The following CACNA1I variants were observed in gnomAD, a reference collection of about 807,000 sequenced individuals.
The protein encoded by CACNA1I is calcium voltage-gated channel subunit alpha1 I.
Under a neutral mutation model 201.6 loss-of-function variants are expected in CACNA1I, and 74 were observed. The observed-to-expected ratio is 0.37, with a 90% CI of 0.30 to 0.45. The LOEUF is 0.45. CACNA1I is among the 20% of genes least tolerant of loss of function. The pLI, the probability that CACNA1I is intolerant of heterozygous loss-of-function variation, is 1.00. For synonymous variants in CACNA1I, 1,431 were observed against 1,345.2 expected (o/e 1.06, Z -1.40); for missense variants, 2,346 against 3,138.1 (o/e 0.75, Z 6.03).
At chr22:39,601,874 CT>C (rs1933049399) in intron 3 of CACNA1I, among the ~76,000 whole-genome samples, 1 of 31,372 alleles carries the variant, frequency 3.2e-5, no homozygotes, top group Non-Finnish European at 6.6e-5. Flanking sequence ...TCCTTCCTTC[CT>C]TCTCTCTCTT....
In CACNA1I at chr22:39,684,439, C is replaced by T; in HGVS notation, c.5968C>T (p.Leu1990=). The change falls in exon 36 of 37, where the codon CTG becomes TTG. Residue 1990 remains leucine, a synonymous_variant. Transcript: ENST00000402142. The surrounding 1 kb of genome is among the most constrained non-coding windows in gnomAD (Gnocchi z 4.6). ...TGTGTLPKIA[L]QGSWASLRSP... is the part of the protein sequence containing the mutation. ...CACTGGAACCCTCCCCAAGATTGCG[C>T]TGCAGGGCTCCTGGGCATCTCTGCG... 1 of 1,613,586 alleles carries T rather than the reference C, an allele frequency of 6.2e-7. No individual in the cohort carries two copies. Among genetic ancestry groups the T allele is most frequent in the Non-Finnish European group, 8.5e-7 (1 of 1,179,896 alleles).
chr22:39,619,260 C>A, intron 3 of CACNA1I, 50 bp from the exon 4 acceptor site: 1 of 1,439,314 alleles, frequency 6.9e-7, no homozygotes, highest in Non-Finnish European at 9.7e-7. Flanking sequence ...CGGGCCCTGG[C>A]CCCAGCTGGC....
At chr22:39,584,931 C>A (rs959680766) in intron 1 of CACNA1I, among the ~76,000 whole-genome samples, 1 of 152,172 alleles carries the variant, frequency 6.6e-6, no homozygotes, top group Non-Finnish European at 1.5e-5. Context: ...AGCGTCCAGC[C>A]CAGCACTGGA....
intron 1 of CACNA1I, among the ~76,000 whole-genome samples, chr22:39,589,902 G>T (rs1259646508): frequency 1.3e-5 from 2 of 152,206 alleles, no homozygotes; most frequent in Admixed American, 1.3e-4. Context: ...CTGGGAAGTG[G>T]ATCAGATTTT....
chr22:39,579,811 TAA>T (rs988130274), intron 1 of CACNA1I, among the ~76,000 whole-genome samples: 2 of 152,162 alleles, frequency 1.3e-5, no homozygotes, highest in Non-Finnish European at 2.9e-5. Flanking sequence ...CATGCCTGGC[TAA>T]GTTTTTTGTA....
At chr22:39,577,258 A>G (rs1019209988) in intron 1 of CACNA1I, among the ~76,000 whole-genome samples, 2 of 151,812 alleles carry the variant, frequency 1.3e-5, no homozygotes, top group Non-Finnish European at 2.9e-5. Flanking sequence ...CTGGTCTTGA[A>G]CTCCTGACTT....
chr22:39,620,046 TCCATCCACCCACCCAC>T (rs1933686097), intron 4 of CACNA1I, among the ~76,000 whole-genome samples: 1 of 139,462 alleles, frequency 7.2e-6, no homozygotes, highest in African/African-American at 2.8e-5. Context: ...CATCCATCCA[TCCATCCACCCACCCAC>T]CCATCCACCC....
chr22:39,680,897 T>C (rs1475151432), intron 33 of CACNA1I, 33 bp from the exon 34 acceptor site: 2 of 1,595,340 alleles, frequency 1.3e-6, no homozygotes, highest in East Asian at 4.5e-5. Flanking sequence ...ATCCCAAACC[T>C]GGGTGACCCG....
At chr22:39,650,516 G>C (rs779443776) in intron 10 of CACNA1I, among the ~76,000 whole-genome samples, 11 of 152,276 alleles carry the variant, frequency 7.2e-5, no homozygotes, top group African/African-American at 2.6e-4. Flanking sequence ...GGCCAGTCTT[G>C]TTGGGCTCTT....
At chr22:39,600,902 A>T (rs1933013055) in intron 3 of CACNA1I, among the ~76,000 whole-genome samples, 1 of 152,168 alleles carries the variant, frequency 6.6e-6, no homozygotes, top group African/African-American at 2.4e-5. Context: ...ACCTTGAGAG[A>T]GCCACTGACG....
intron 10 of CACNA1I, among the ~76,000 whole-genome samples, chr22:39,651,473 GCT>G (rs1026973841): frequency 2.0e-4 from 30 of 152,242 alleles, no homozygotes; most frequent in African/African-American, 7.2e-4. Context: ...TAGCGAGAGG[GCT>G]CTCTGCAGGG....
At chr22:39,571,608 TC>T (rs59816458) in intron 1 of CACNA1I, among the ~76,000 whole-genome samples, 7,267 of 152,150 alleles carry the variant, frequency 0.048, 566 homozygotes, top group African/African-American at 0.16. Context: ...CCACTTGGCT[TC>T]CCCCCTGTGC....
At chr22:39,632,013 G>A in intron 4 of CACNA1I, among the ~76,000 whole-genome samples, 1 of 152,152 alleles carries the variant, frequency 6.6e-6, no homozygotes, top group Non-Finnish European at 1.5e-5. Context: ...GGCAGAGTGA[G>A]GCGGGTCGGG....
Position 39,685,784 on chromosome 22 carries a change from G to C in CACNA1I, c.6051G>C (p.Leu2017=). The change falls in exon 37 of 37, where the codon CTG becomes CTC. Residue 2017 remains leucine, a synonymous_variant. Coordinates refer to ENST00000402142, the MANE Select transcript of CACNA1I (RefSeq NM_021096.4). The surrounding 1 kb of genome is among the most constrained non-coding windows in gnomAD (Gnocchi z 5.0). ...AGGCCACCGGGAGCGACACGTCGCT[G>C]GACGCCAGCCCCAGCAGCTCCGCGG... ...LRQATGSDTS[L]DASPSSSAGS... is the part of the protein sequence containing the mutation. The C allele has an allele frequency of 1.3e-6, 2 of 1,494,328 alleles. No individual in the cohort carries two copies. Among genetic ancestry groups the C allele is most frequent in the African/African-American group, 1.5e-5 (1 of 68,748 alleles). 92.6% of individuals were successfully genotyped at this position (1,494,328 alleles called of 1,614,324 possible). A position where few individuals can be genotyped will look rare whatever the true frequency, so the allele number is the denominator to read the frequency against.
In CACNA1I at chr22:39,648,096, C is replaced by T. The variant is rs558966330; in HGVS notation, c.1567+170C>T. ...AGGACAGGGGCCCCCAGCACGTGGCCGTCCACGGCGGGAGTCAGCCACCCC... is the reference window on the plus strand; with the variant it reads ...AGGACAGGGGCCCCCAGCACGTGGCTGTCCACGGCGGGAGTCAGCCACCCC... On this transcript the variant is annotated intron_variant, in intron 9 of 36. Transcript: ENST00000402142. This position sits in a 1 kb window ranked among gnomAD's most constrained non-coding sequence, Gnocchi z 5.4. The T allele has an allele frequency of 2.3e-5, 14 of 616,364 alleles. No individual in the cohort carries two copies. Among genetic ancestry groups the T allele is most frequent in the South Asian group, 3.9e-5 (2 of 51,062 alleles). The allele number at this position is 616,364 out of a possible 1,614,324, so 38.2% of individuals were successfully genotyped here.
chr22:39,633,757 G>A (rs185721127), intron 4 of CACNA1I, among the ~76,000 whole-genome samples: 116 of 152,354 alleles, frequency 7.6e-4, no homozygotes, highest in African/African-American at 2.6e-3. Context: ...CTTAGGGGGA[G>A]GGTGTGTACT....
At chr22:39,628,060 G>T (rs1933948535) in intron 4 of CACNA1I, among the ~76,000 whole-genome samples, 1 of 152,136 alleles carries the variant, frequency 6.6e-6, no homozygotes, top group African/African-American at 2.4e-5. Context: ...CAGGGCAAAG[G>T]CAGTGCCTCC....
intron 3 of CACNA1I, among the ~76,000 whole-genome samples, chr22:39,617,472 TG>T (rs1241401917): frequency 2.0e-5 from 3 of 151,346 alleles, no homozygotes; most frequent in South Asian, 2.1e-4. Flanking sequence ...GCTGCGTCTG[TG>T]GGGGTGGGGC....
chr22:39,600,708 G>A, intron 3 of CACNA1I, 55 bp downstream of exon 3: 1 of 1,520,718 alleles, frequency 6.6e-7, no homozygotes, highest in Non-Finnish European at 8.8e-7. Context: ...AGGCATAATT[G>A]AGAGAATCCA....
Sources: allele counts gnomAD v4.1 joint callset (sites outside exome capture counted in the v4.1 genomes callset), GRCh38; gene constraint gnomAD v4.1.1; non-coding constraint Gnocchi (gnomAD v3.1); transcripts MANE v1.5; gene names NCBI Gene and HGNC (gene_info 2026-07-23, HGNC 2026-07-21).